Variants in RBMS3 observed in about 807,000 individuals in gnomAD.
The protein encoded by RBMS3 is RNA-binding motif, single-stranded-interacting protein 3.
In RBMS3, 27 loss-of-function variants were observed where a neutral mutation model predicts 66.8. The ratio of observed to expected loss-of-function variants is 0.40; its 90% confidence interval spans 0.30 to 0.56. The LOEUF is 0.56. Among genes scored for constraint, RBMS3 ranks in the 20% least tolerant of loss-of-function variants. The probability of loss-of-function intolerance (pLI) is 0.40; values close to 1 mark genes in which losing one functional copy is unlikely to be tolerated. For synonymous variants in RBMS3, 188 were observed against 183.0 expected (o/e 1.03, Z -0.22); for missense variants, 513 against 549.5 (o/e 0.93, Z 0.66).
chr3:29,616,654 C>G (rs1194673695), intron 4 of RBMS3: 3 of 152,200 alleles, frequency 2.0e-5, no homozygotes, highest in African/African-American at 7.2e-5. Flanking sequence ...ACAGATTAGG[C>G]CTTGAACCTT....
intron 10 of RBMS3, among the ~76,000 whole-genome samples, chr3:29,908,756 A>G (rs1474411740): frequency 1.3e-5 from 2 of 152,172 alleles, no homozygotes; most frequent in Admixed American, 6.6e-5. Context: ...AGCATCAAAT[A>G]TGTGCATGAT....
At chr3:29,465,669 T>TA (rs2042519921) in intron 2 of RBMS3, among the ~76,000 whole-genome samples, 2 of 152,094 alleles carry the variant, frequency 1.3e-5, no homozygotes, top group Non-Finnish European at 2.9e-5. Flanking sequence ...ATACTTTATG[T>TA]AATGTCCTAA....
chr3:29,538,522 A>G (rs2045652359), intron 3 of RBMS3, among the ~76,000 whole-genome samples: 1 of 152,256 alleles, frequency 6.6e-6, no homozygotes. Flanking sequence ...TTTTCCTGGC[A>G]GAAATGTCTA....
intron 12 of RBMS3, among the ~76,000 whole-genome samples, chr3:29,958,409 TAAATGTA>T (rs1481670356): frequency 6.6e-6 from 1 of 152,118 alleles, no homozygotes; most frequent in Non-Finnish European, 1.5e-5. Flanking sequence ...AAACTGGATA[TAAATGTA>T]AAGTAAGCAG....
chr3:29,670,051 A>G (rs1011841841), intron 4 of RBMS3, among the ~76,000 whole-genome samples: 17 of 152,144 alleles, frequency 1.1e-4, no homozygotes, highest in Admixed American at 9.2e-4. Flanking sequence ...AGATCATTCC[A>G]TGTAATCATT....
intron 6 of RBMS3, among the ~76,000 whole-genome samples, chr3:29,835,929 A>T (rs146387449): frequency 6.6e-6 from 1 of 151,964 alleles, no homozygotes; most frequent in Non-Finnish European, 1.5e-5. Context: ...CAGAAATAAA[A>T]GAGGAGAAAT....
intron 2 of RBMS3, among the ~76,000 whole-genome samples, chr3:29,453,406 C>T (rs1468747967): frequency 6.6e-6 from 1 of 152,170 alleles, no homozygotes; most frequent in Non-Finnish European, 1.5e-5. Flanking sequence ...TGGTGCCAGC[C>T]TAATGGCTAC....
intron 6 of RBMS3, among the ~76,000 whole-genome samples, chr3:29,790,872 G>A (rs907858325): frequency 3.9e-5 from 6 of 152,096 alleles, no homozygotes; most frequent in African/African-American, 1.4e-4. Flanking sequence ...ATACAAATTT[G>A]ATTTACATTT....
At chr3:29,869,125 G>T (rs534583328) in intron 7 of RBMS3, among the ~76,000 whole-genome samples, 161 bp downstream of exon 7, 1 of 152,270 alleles carries the variant, frequency 6.6e-6, no homozygotes, top group South Asian at 2.1e-4. Flanking sequence ...TGTTCTAGAT[G>T]AAATTATTGA....
In RBMS3 at chr3:29,999,240, A is replaced by G. The variant is rs373196520; in HGVS notation, c.1308-4616A>G. Among the ~76,000 whole-genome samples the G allele has an allele frequency of 2.2e-4, 34 of 152,266 alleles. No individual in the cohort carries two copies. The East Asian group carries it at 2.7e-3, about 12-fold the overall frequency. ...ATCATGTTACACCAGTTAGAATGGCAATCATTAAAAAGTCAGGAAACAACA... is the reference window on the plus strand; with the variant it reads ...ATCATGTTACACCAGTTAGAATGGCGATCATTAAAAAGTCAGGAAACAACA... On this transcript the variant is annotated intron_variant, in intron 14 of 14. Transcript: ENST00000383767.
In RBMS3 at chr3:29,459,536, C is replaced by T. The variant is rs960150711; in HGVS notation, c.248+24621C>T. On this transcript the variant is annotated intron_variant, in intron 2 of 14. Transcript: ENST00000383767. ...CTGCTTCCTAGGTATGGGTATTTAT[C>T]ATCATGAGAAATATTCATTCATTCA... 5.3e-5 allele frequency among the ~76,000 whole-genome samples: 8 copies of T among 152,142 alleles called. No homozygotes were observed. The South Asian group carries it at 1.0e-3, about 20-fold the overall frequency.
intron 4 of RBMS3, among the ~76,000 whole-genome samples, chr3:29,676,644 A>G (rs764894305): frequency 1.3e-5 from 2 of 152,166 alleles, no homozygotes; most frequent in Non-Finnish European, 2.9e-5. Flanking sequence ...TGACTGTGCA[A>G]TCCTTAAATT....
At chr3:29,352,753 C>A (rs1158469372) in intron 1 of RBMS3, among the ~76,000 whole-genome samples, 3 of 152,048 alleles carry the variant, frequency 2.0e-5, no homozygotes, top group African/African-American at 7.2e-5. Flanking sequence ...CCCATAAACA[C>A]TTCCCACCCT....
At chr3:29,741,098 A>G (rs2054622461) in intron 5 of RBMS3, among the ~76,000 whole-genome samples, 1 of 152,106 alleles carries the variant, frequency 6.6e-6, no homozygotes. Context: ...TCACTTTAGA[A>G]GATAACAAAT....
At chr3:29,760,258 CACACACACACAT>C (rs893007520) in intron 5 of RBMS3, among the ~76,000 whole-genome samples, 13 of 149,672 alleles carry the variant, frequency 8.7e-5, no homozygotes, top group African/African-American at 3.2e-4. Context: ...AATAAACACA[CACACACACACAT>C]ACACACACAC....
chr3:29,991,737 G>C (rs1441148134), intron 14 of RBMS3: 1 of 152,298 alleles, frequency 6.6e-6, no homozygotes, highest in African/African-American at 2.4e-5. Context: ...TTTATTATTG[G>C]AAAAATTATA....
intron 1 of RBMS3, among the ~76,000 whole-genome samples, chr3:29,332,954 G>A (rs1173169709): frequency 6.6e-6 from 1 of 152,004 alleles, no homozygotes; most frequent in Admixed American, 6.6e-5. Context: ...TTGTAGACTA[G>A]CATATGATTT....
chr3:29,365,280 C>T (rs9845267), intron 1 of RBMS3, among the ~76,000 whole-genome samples: 26,720 of 151,564 alleles, frequency 0.18, 2,370 homozygotes, highest in Middle Eastern at 0.25. Context: ...TAACATTAAG[C>T]TGTGCCTTTT....
At chr3:29,550,431 A>G (rs1484663562) in intron 3 of RBMS3, among the ~76,000 whole-genome samples, 1 of 152,204 alleles carries the variant, frequency 6.6e-6, no homozygotes, top group Non-Finnish European at 1.5e-5. Context: ...TATAAAAAGT[A>G]TTCATTGCTC....
Sources: gnomAD v4.1 joint callset for allele counts (sites outside exome capture counted in the v4.1 genomes callset) on GRCh38, gnomAD v4.1.1 for gene constraint, MANE v1.5 for transcripts, NCBI Gene and HGNC (gene_info 2026-07-23, HGNC 2026-07-21) for gene names.